EYS: variants seen among roughly 807,000 people sequenced by gnomAD.
The protein encoded by EYS is protein eyes shut homolog.
EYS carries 250 observed loss-of-function variants against 282.1 expected under a neutral mutation model. The ratio of observed to expected loss-of-function variants is 0.89; its 90% CI spans 0.80 to 0.98. The LOEUF (loss-of-function observed/expected upper bound fraction) is 0.98, where lower values mean the gene tolerates loss of function less well. Among genes scored for constraint, EYS ranks in the 50% least tolerant of loss-of-function variants. The probability of loss-of-function intolerance (pLI) is 0.00; values close to 1 mark genes in which losing one functional copy is unlikely to be tolerated. For missense variants in EYS, 4,016 were observed against 3,709.0 expected (o/e 1.08, Z -2.15); for synonymous variants, 1,355 against 1,282.9 (o/e 1.06, Z -1.20).
intron 5 of EYS, among the ~76,000 whole-genome samples, chr6:65,473,108 C>T (rs546176833): frequency 1.8e-4 from 28 of 151,888 alleles, no homozygotes; most frequent in African/African-American, 6.5e-4. Context: ...TTACATCAGG[C>T]TATCGGTAAG....
chr6:65,222,254 C>T (rs938092090), intron 12 of EYS, among the ~76,000 whole-genome samples: 4 of 152,080 alleles, frequency 2.6e-5, no homozygotes, highest in Non-Finnish European at 4.4e-5. Context: ...TTGGCTATGT[C>T]CTGACCCAAA....
intron 31 of EYS, among the ~76,000 whole-genome samples, chr6:64,187,175 G>T (rs914376539): frequency 6.6e-6 from 1 of 152,058 alleles, no homozygotes. Flanking sequence ...ATCAAAGTGT[G>T]CATTTGTACT....
chr6:64,627,961 T>C (rs1767663084), intron 22 of EYS, among the ~76,000 whole-genome samples: 1 of 152,104 alleles, frequency 6.6e-6, no homozygotes, highest in South Asian at 2.1e-4. Context: ...GCTTCTGTAG[T>C]CCCAGCTACT....
intron 2 of EYS, among the ~76,000 whole-genome samples, chr6:65,579,245 T>TA (rs1291930950): frequency 6.6e-6 from 1 of 152,100 alleles, no homozygotes; most frequent in African/African-American, 2.4e-5. Flanking sequence ...ATCAAGAAGA[T>TA]ACAACATATA....
intron 7 of EYS, among the ~76,000 whole-genome samples, chr6:65,391,267 CA>C (rs930117145): frequency 2.0e-5 from 3 of 152,026 alleles, no homozygotes; most frequent in African/African-American, 7.2e-5. Context: ...CTAATAGTAG[CA>C]AAAGCTACTC....
chr6:65,055,915 C>G (rs1004512109), intron 13 of EYS, among the ~76,000 whole-genome samples: 1 of 152,004 alleles, frequency 6.6e-6, no homozygotes. Context: ...TCCATGACCC[C>G]CTTTTTACAT....
intron 14 of EYS, among the ~76,000 whole-genome samples, chr6:64,990,582 A>AT (rs947672304): frequency 2.0e-5 from 3 of 151,636 alleles, no homozygotes; most frequent in African/African-American, 7.2e-5. Flanking sequence ...GTTCTAAATC[A>AT]TTTTTTAAGC....
chr6:64,190,408 A>C (rs1034060872), intron 31 of EYS, among the ~76,000 whole-genome samples: 2 of 152,194 alleles, frequency 1.3e-5, no homozygotes, highest in African/African-American at 4.8e-5. Flanking sequence ...ATATCAATTA[A>C]GCAGTTAGGA....
chr6:65,134,800 G>T (rs1775977339), intron 12 of EYS, among the ~76,000 whole-genome samples: 1 of 151,932 alleles, frequency 6.6e-6, no homozygotes, highest in Non-Finnish European at 1.5e-5. Context: ...TACATTTTAG[G>T]AATGGCAAAT....
At chr6:65,251,820 A>G (rs570962898) in intron 12 of EYS, among the ~76,000 whole-genome samples, 1 of 152,086 alleles carries the variant, frequency 6.6e-6, no homozygotes, top group African/African-American at 2.4e-5. Flanking sequence ...GAGACTCCCA[A>G]TGCCTAAAGA....
At chr6:64,993,069 C>T (rs1426344482) in intron 14 of EYS, among the ~76,000 whole-genome samples, 1 of 151,624 alleles carries the variant, frequency 6.6e-6, no homozygotes, top group Non-Finnish European at 1.5e-5. Context: ...ACCATATAGG[C>T]ATTTTATTAG....
intron 14 of EYS, among the ~76,000 whole-genome samples, chr6:64,960,667 A>T (rs1769881348): frequency 6.6e-6 from 1 of 152,186 alleles, no homozygotes; most frequent in East Asian, 1.9e-4. Context: ...TTTTATATTA[A>T]GTTCAGGGGT....
At chr6:65,069,672 C>T (rs538792005) in intron 12 of EYS, among the ~76,000 whole-genome samples, 1 of 151,924 alleles carries the variant, frequency 6.6e-6, no homozygotes, top group East Asian at 1.9e-4. Context: ...TCTCTTTCTC[C>T]TCTCAATTTG....
At chr6:63,872,566 C>A (rs978167446) in intron 35 of EYS, among the ~76,000 whole-genome samples, 2 of 149,746 alleles carry the variant, frequency 1.3e-5, no homozygotes, top group Non-Finnish European at 3.0e-5. Context: ...GCAGCCTCCA[C>A]CTTCTGGGTT....
At chr6:64,972,098 A>G (rs919453454) in intron 14 of EYS, among the ~76,000 whole-genome samples, 5 of 152,172 alleles carry the variant, frequency 3.3e-5, no homozygotes, top group African/African-American at 4.8e-5. Flanking sequence ...CACACCAAAC[A>G]AATTAGCAGA....
At chr6:64,466,146 T>G (rs1367184018) in intron 26 of EYS, among the ~76,000 whole-genome samples, 1 of 152,070 alleles carries the variant, frequency 6.6e-6, no homozygotes, top group Non-Finnish European at 1.5e-5. Context: ...TGAACATTGT[T>G]GATAAGGATA....
At chr6:65,448,009 G>A (rs1472388343) in intron 5 of EYS, among the ~76,000 whole-genome samples, 1 of 152,030 alleles carries the variant, frequency 6.6e-6, no homozygotes, top group Non-Finnish European at 1.5e-5. Context: ...CAGAAATACA[G>A]TCAAGTCAGA....
chr6:64,368,640 T>G (rs1772253935), intron 29 of EYS, among the ~76,000 whole-genome samples: 1 of 152,170 alleles, frequency 6.6e-6, no homozygotes, highest in Admixed American at 6.5e-5. Context: ...TGGTTTTGAT[T>G]TGCATTTCTC....
intron 2 of EYS, among the ~76,000 whole-genome samples, chr6:65,617,374 G>T (rs1050536724): frequency 6.6e-6 from 1 of 151,916 alleles, no homozygotes; most frequent in Non-Finnish European, 1.5e-5. Context: ...CACTTGTTAC[G>T]ACTTCAAAAA....
Sources: gnomAD v4.1 joint callset for allele counts (sites outside exome capture counted in the v4.1 genomes callset) on GRCh38, gnomAD v4.1.1 for gene constraint, MANE v1.5 for transcripts, NCBI Gene and HGNC (gene_info 2026-07-23, HGNC 2026-07-21) for gene names.